Variants in FARP1 observed in about 807,000 individuals in gnomAD.
The protein encoded by FARP1 is FERM, ARHGEF and pleckstrin domain-containing protein 1.
Under a neutral mutation model 128.8 loss-of-function variants are expected in FARP1, and 52 were observed. That is an observed-to-expected ratio of 0.40 (90% CI 0.32 to 0.51). The LOEUF (loss-of-function observed/expected upper bound fraction) is 0.51, where lower values mean the gene tolerates loss of function less well. Ranked by LOEUF, FARP1 falls within the 20% of genes least tolerant of loss-of-function variation. The pLI, the probability that FARP1 is intolerant of heterozygous loss-of-function variation, is 0.45. For missense variants in FARP1, 1,333 were observed against 1,367.9 expected, an observed-to-expected ratio of 0.97 and a Z score of 0.40; for synonymous variants, 580 against 551.8, an observed-to-expected ratio of 1.05 and a Z score of -0.72.
In FARP1 at chr13:98,446,086, C is replaced by T; in HGVS notation, c.2797-12C>T. The T allele has an allele frequency of 6.2e-7, 1 of 1,600,284 alleles. No homozygotes were observed. Among genetic ancestry groups the T allele is most frequent in the Non-Finnish European group, 8.6e-7 (1 of 1,167,544 alleles). On this transcript the variant is annotated splice_polypyrimidine_tract_variant and intron_variant, in intron 24 of 26. Coordinates refer to ENST00000319562, the MANE Select transcript of FARP1 (RefSeq NM_005766.4). Reference sequence around the variant, plus strand: ...GCCCGCTGTGCTTCTCACAGGCCTCCTTGCCTTTCAGAATCAGTTGTCTGG... The same window carrying T: ...GCCCGCTGTGCTTCTCACAGGCCTCTTTGCCTTTCAGAATCAGTTGTCTGG...
At chr13:98,264,105 C>T (rs1883996944) in intron 2 of FARP1, among the ~76,000 whole-genome samples, 1 of 152,192 alleles carries the variant, frequency 6.6e-6, no homozygotes. Context: ...TTTGGGTCAT[C>T]TACCTCTGCC....
intron 2 of FARP1, among the ~76,000 whole-genome samples, chr13:98,300,627 G>C (rs1885885110): frequency 6.6e-6 from 1 of 152,144 alleles, no homozygotes; most frequent in Non-Finnish European, 1.5e-5. Flanking sequence ...ATCTCTGCAG[G>C]TGAAGCCACT....
At chr13:98,393,578 T>C in intron 11 of FARP1, 65 bp from the exon 12 acceptor site, 1 of 1,343,506 alleles carries the variant, frequency 7.4e-7, no homozygotes, top group African/African-American at 1.4e-5. Flanking sequence ...TTGTTTCATT[T>C]AAAACCAAGG....
intron 1 of FARP1, among the ~76,000 whole-genome samples, chr13:98,189,807 T>A (rs1879109168): frequency 6.6e-6 from 1 of 152,250 alleles, no homozygotes; most frequent in South Asian, 2.1e-4. Flanking sequence ...TGGTGTATTA[T>A]CACAATTTCA....
chr13:98,254,311 T>C (rs955197466), intron 2 of FARP1, among the ~76,000 whole-genome samples: 1 of 152,234 alleles, frequency 6.6e-6, no homozygotes, highest in African/African-American at 2.4e-5. Flanking sequence ...TTAAAAACTA[T>C]GGGATTCTGA....
At chr13:98,256,951 A>ATATG (rs1566801021) in intron 2 of FARP1, among the ~76,000 whole-genome samples, 100 of 31,698 alleles carry the variant, frequency 3.2e-3, no homozygotes, top group Admixed American at 2.2e-3. Context: ...ATATGTGGAT[A>ATATG]TATATATATA....
chr13:98,310,538 T>C (rs1428640658), intron 2 of FARP1, among the ~76,000 whole-genome samples: 1 of 152,204 alleles, frequency 6.6e-6, no homozygotes, highest in Admixed American at 6.5e-5. Flanking sequence ...ATTTTGCTAA[T>C]TTATAAAGTC....
At chr13:98,255,944 C>T (rs1382026104) in intron 2 of FARP1, among the ~76,000 whole-genome samples, 1 of 152,204 alleles carries the variant, frequency 6.6e-6, no homozygotes. Context: ...GCCCCCAAAT[C>T]CAGAACAATC....
chr13:98,450,664 A>G lies in FARP1; in HGVS notation c.*2347A>G, dbSNP rs1338998688. 1.3e-5 allele frequency: 2 copies of G among 152,366 alleles called. No homozygotes were observed. The highest frequency in any genetic ancestry group is 1.5e-5 in the Non-Finnish European group (1 of 68,056). 9.4% of individuals were successfully genotyped at this position (152,366 alleles called of 1,614,324 possible). A position where few individuals can be genotyped will look rare whatever the true frequency, so the allele number is the denominator to read the frequency against. Reference sequence around the variant, plus strand: ...TGGGCAGCTGAGCCAGGAGCAGCTCAGGGCTGGCACTGAGAGGCTACTGGT... The same window carrying G: ...TGGGCAGCTGAGCCAGGAGCAGCTCGGGGCTGGCACTGAGAGGCTACTGGT... On this transcript the variant is annotated 3_prime_UTR_variant, in exon 27 of 27. Coordinates refer to ENST00000319562, the MANE Select transcript of FARP1 (RefSeq NM_005766.4).
chr13:98,168,103 T>C (rs1877399488), intron 1 of FARP1, among the ~76,000 whole-genome samples: 2 of 150,616 alleles, frequency 1.3e-5, no homozygotes, highest in East Asian at 3.9e-4. Flanking sequence ...ACCCGGGAGG[T>C]GGAGCTTGCA....
intron 1 of FARP1, among the ~76,000 whole-genome samples, chr13:98,162,688 G>C (rs1215610184): frequency 2.0e-5 from 3 of 152,140 alleles, no homozygotes; most frequent in East Asian, 3.9e-4. Context: ...TTGACTTCTA[G>C]ATTGTTTCTG....
Position 98,442,354 on chromosome 13 carries a change from G to A in FARP1, c.2796+1518G>A, listed in dbSNP as rs562159619. On this transcript the variant is annotated intron_variant, in intron 24 of 26. Coordinates refer to ENST00000319562, the MANE Select transcript of FARP1 (RefSeq NM_005766.4). ...TTATTCTCGGGAAACGACCTTCCCCGTTGCTCAGACCTGCCTTTATTGAGT... is the reference window on the plus strand; with the variant it reads ...TTATTCTCGGGAAACGACCTTCCCCATTGCTCAGACCTGCCTTTATTGAGT... Among the ~76,000 whole-genome samples the A allele has an allele frequency of 2.0e-4, 30 of 152,324 alleles. 1 individual carries two copies. Among genetic ancestry groups the A allele is most frequent in the East Asian group, 1.7e-3 (9 of 5,178 alleles).
chr13:98,178,493 G>A (rs903361094), intron 1 of FARP1, among the ~76,000 whole-genome samples: 1 of 152,132 alleles, frequency 6.6e-6, no homozygotes, highest in African/African-American at 2.4e-5. Context: ...ACTGCACCCC[G>A]CCTTCAAATA....
intron 1 of FARP1, among the ~76,000 whole-genome samples, chr13:98,153,311 TA>T (rs757053458): frequency 0.45 from 34,268 of 76,820 alleles, 5,676 homozygotes; most frequent in East Asian, 0.63. Context: ...TATTTATATA[TA>T]AAATATATAA....
At chr13:98,414,997 A>C (rs1891322919) in intron 16 of FARP1, among the ~76,000 whole-genome samples, 1 of 152,252 alleles carries the variant, frequency 6.6e-6, no homozygotes, top group African/African-American at 2.4e-5. Flanking sequence ...ATGTCTGAAC[A>C]CAGAAAAGGA....
chr13:98,390,737 C>G, intron 10 of FARP1, 75 bp from the exon 11 acceptor site: 3 of 1,149,350 alleles, frequency 2.6e-6, no homozygotes, highest in Non-Finnish European at 3.9e-6. Flanking sequence ...AAGTGAAGCC[C>G]TGAAGCATCA....
At chr13:98,268,044 C>A (rs1884211102) in intron 2 of FARP1, among the ~76,000 whole-genome samples, 1 of 152,184 alleles carries the variant, frequency 6.6e-6, no homozygotes, top group Non-Finnish European at 1.5e-5. Flanking sequence ...CATTGTTCGA[C>A]CTCCAGAACT....
At chr13:98,243,018 G>T (rs1220422479) in intron 2 of FARP1, among the ~76,000 whole-genome samples, 1 of 152,180 alleles carries the variant, frequency 6.6e-6, no homozygotes, top group Non-Finnish European at 1.5e-5. Context: ...TCATTCTCCA[G>T]ACTTGCTGTA....
intron 2 of FARP1, among the ~76,000 whole-genome samples, chr13:98,321,035 A>G (rs1259212505): frequency 6.6e-6 from 1 of 152,304 alleles, no homozygotes. Context: ...GTTATGGAAG[A>G]AGAACGTGAT....
Sources: allele counts gnomAD v4.1 joint callset (sites outside exome capture counted in the v4.1 genomes callset), GRCh38; gene constraint gnomAD v4.1.1; transcripts MANE v1.5; gene names NCBI Gene and HGNC (gene_info 2026-07-23, HGNC 2026-07-21).